GPD2: variants seen among roughly 807,000 people sequenced by gnomAD.
The protein encoded by GPD2 is glycerol-3-phosphate dehydrogenase, mitochondrial.
Under a neutral mutation model 82.4 loss-of-function variants are expected in GPD2, and 54 were observed. That is an observed-to-expected ratio of 0.66 (90% CI 0.53 to 0.82). GPD2 has a LOEUF of 0.82. Among genes scored for constraint, GPD2 ranks in the 40% least tolerant of loss-of-function variants. The pLI is 0.00. For missense variants in GPD2, 748 were observed against 896.2 expected (o/e 0.83, Z 2.11); for synonymous variants, 288 against 306.1 (o/e 0.94, Z 0.62).
At chr2:156,431,885 C>CTTT (rs34394250), upstream of GPD2, among the ~76,000 whole-genome samples, 74 of 119,910 alleles carry the variant, frequency 6.2e-4, no homozygotes, top group African/African-American at 1.5e-3. Context: ...TCTGTGAAAT[C>CTTT]TTTTTTTTTT....
chr2:156,579,308 A>AT (rs1286794406), intron 15 of GPD2, 144 bp downstream of exon 15: 18 of 595,394 alleles, frequency 3.0e-5, no homozygotes, highest in Non-Finnish European at 3.8e-5. Flanking sequence ...GCATATTTAT[A>AT]ATTTTTTTTC....
chr2:156,469,839 G>A (rs760306978), intron 1 of GPD2, among the ~76,000 whole-genome samples: 75 of 152,132 alleles, frequency 4.9e-4, no homozygotes, highest in Non-Finnish European at 4.0e-4. Flanking sequence ...AGGTAATTGA[G>A]GTTTCTATAT....
At chr2:156,522,669 T>A (rs1333076430) in intron 6 of GPD2, among the ~76,000 whole-genome samples, 1 of 139,602 alleles carries the variant, frequency 7.2e-6, no homozygotes. Flanking sequence ...TGTAGCAGAG[T>A]GTGGTTTTTT....
At chr2:156,421,583 A>G in the GPD2 span, among the ~76,000 whole-genome samples, 1 of 152,226 alleles carries the variant, frequency 6.6e-6, no homozygotes, top group South Asian at 2.1e-4. Context: ...AAAAATTCCC[A>G]ACTCTTATCC....
At chr2:156,441,388 C>CA (rs1399296863) in intron 1 of GPD2, among the ~76,000 whole-genome samples, 3 of 151,784 alleles carry the variant, frequency 2.0e-5, no homozygotes, top group South Asian at 2.1e-4. Context: ...CCTGTCTCTA[C>CA]AAAAAATTAA....
chr2:156,568,986 T>C, intron 10 of GPD2, 27 bp downstream of exon 10: 1 of 1,510,776 alleles, frequency 6.6e-7, no homozygotes, highest in Non-Finnish European at 8.9e-7. Context: ...TGTTATTTTC[T>C]TTTCTTTTTT....
intron 8 of GPD2, among the ~76,000 whole-genome samples, chr2:156,552,022 A>G (rs940675968): frequency 6.6e-6 from 1 of 152,196 alleles, no homozygotes; most frequent in Non-Finnish European, 1.5e-5. Flanking sequence ...CTATCCTGCT[A>G]TGCTATAGAT....
chr2:156,543,454 T>C lies in GPD2; in HGVS notation c.662-6154T>C, dbSNP rs145119784. Among the ~76,000 whole-genome samples, 1,228 of 152,338 alleles carry C rather than the reference T, an allele frequency of 8.1e-3. 3 individuals carry two copies. Among genetic ancestry groups the C allele is most frequent in the Non-Finnish European group, 0.012 (804 of 68,014 alleles). The stretch of plus-strand genomic sequence containing the variant: ...CCATAAGTCTGTAACTGTGTCTCTT[T>C]GGCTGTGCATTATAGACTCAGTTCC... On this transcript the variant is annotated intron_variant, in intron 6 of 16. Coordinates refer to ENST00000438166, the MANE Select transcript of GPD2 (RefSeq NM_000408.5).
chr2:156,401,222 A>C, the GPD2 span, among the ~76,000 whole-genome samples: 1 of 152,224 alleles, frequency 6.6e-6, no homozygotes, highest in Non-Finnish European at 1.5e-5. Flanking sequence ...CAATGCTTAT[A>C]GCAAATGTGC....
chr2:156,564,107 T>G (rs1008645149), intron 9 of GPD2, among the ~76,000 whole-genome samples: 40 of 152,058 alleles, frequency 2.6e-4, no homozygotes, highest in African/African-American at 9.2e-4. Flanking sequence ...TGAATTTGGG[T>G]TTTTTTGTTT....
chr2:156,401,263 C>T, the GPD2 span, among the ~76,000 whole-genome samples: 1 of 152,152 alleles, frequency 6.6e-6, no homozygotes, highest in South Asian at 2.1e-4. Flanking sequence ...GACACTTACA[C>T]CCTGGTAATT....
At chr2:156,433,042 G>A (rs1277033205), upstream of GPD2, among the ~76,000 whole-genome samples, 1 of 152,116 alleles carries the variant, frequency 6.6e-6, no homozygotes, top group Non-Finnish European at 1.5e-5. Context: ...GGTGGTTAGT[G>A]AAACCACCTT....
intron 2 of GPD2, among the ~76,000 whole-genome samples, chr2:156,484,327 G>A (rs1294097704): frequency 6.6e-6 from 1 of 151,900 alleles, no homozygotes; most frequent in African/African-American, 2.4e-5. Context: ...AGTAGAGATG[G>A]GGTTTCGCCA....
chr2:156,564,534 A>C (rs1409578205), intron 9 of GPD2, among the ~76,000 whole-genome samples: 1 of 152,122 alleles, frequency 6.6e-6, no homozygotes, highest in Non-Finnish European at 1.5e-5. Flanking sequence ...CCCCTTAGAC[A>C]TGGATTATAC....
At chr2:156,536,887 C>A (rs1316736125) in intron 6 of GPD2, among the ~76,000 whole-genome samples, 2 of 152,202 alleles carry the variant, frequency 1.3e-5, no homozygotes, top group Non-Finnish European at 2.9e-5. Context: ...ACAGTATCTT[C>A]AGGATTCTGT....
chr2:156,564,159 A>G (rs1574005732), intron 9 of GPD2, among the ~76,000 whole-genome samples: 1 of 152,082 alleles, frequency 6.6e-6, no homozygotes, highest in South Asian at 2.1e-4. Context: ...TAAAACAAGA[A>G]CTCCAGACAC....
chr2:156,433,455 A>G (rs1246449975), upstream of GPD2, among the ~76,000 whole-genome samples: 1 of 152,168 alleles, frequency 6.6e-6, no homozygotes, highest in African/African-American at 2.4e-5. Context: ...TAGTGCAAGA[A>G]GACAGCTCCA....
At chr2:156,420,505 A>G in the GPD2 span, among the ~76,000 whole-genome samples, 1 of 152,198 alleles carries the variant, frequency 6.6e-6, no homozygotes, top group Admixed American at 6.5e-5. Flanking sequence ...TGCATCTCTT[A>G]AAATATCAAC....
At chr2:156,457,639 A>G (rs1485315831) in intron 1 of GPD2, among the ~76,000 whole-genome samples, 1 of 152,228 alleles carries the variant, frequency 6.6e-6, no homozygotes, top group African/African-American at 2.4e-5. Context: ...TATTTCCCCA[A>G]CCTGTGAGTG....
Sources: allele counts gnomAD v4.1 joint callset (sites outside exome capture counted in the v4.1 genomes callset), GRCh38; gene constraint gnomAD v4.1.1; transcripts MANE v1.5; gene names NCBI Gene and HGNC (gene_info 2026-07-23, HGNC 2026-07-21).